IL12RB2: variants seen among roughly 807,000 people sequenced by gnomAD.
The protein encoded by IL12RB2 is interleukin-12 receptor subunit beta-2.
A neutral mutation model predicts 89.4 loss-of-function variants in IL12RB2; 82 were observed. The ratio of observed to expected loss-of-function variants is 0.92; its 90% CI spans 0.77 to 1.10. The LOEUF is 1.10. Among genes scored for constraint, IL12RB2 ranks in the 50% least tolerant of loss-of-function variants. IL12RB2 has a pLI of 0.00. For missense variants in IL12RB2, 963 were observed against 1,031.9 expected, an observed-to-expected ratio of 0.93 and a Z score of 0.92; for synonymous variants, 368 against 370.1, an observed-to-expected ratio of 0.99 and a Z score of 0.07.
At chr1:67,313,557 G>A (rs931228051) in intron 1 of IL12RB2, among the ~76,000 whole-genome samples, 2 of 152,178 alleles carry the variant, frequency 1.3e-5, no homozygotes, top group Non-Finnish European at 2.9e-5. Context: ...GGGCACGGTG[G>A]CTCATGCCTG....
intron 7 of IL12RB2, 144 bp from the exon 8 acceptor site, chr1:67,330,516 C>G (rs1657921690): frequency 3.2e-6 from 2 of 631,616 alleles, no homozygotes; most frequent in Non-Finnish European, 5.6e-6. Context: ...AAGACAGTCA[C>G]TGATATTTCT....
chr1:67,312,145 C>G (rs1655146028), intron 1 of IL12RB2, among the ~76,000 whole-genome samples: 1 of 152,170 alleles, frequency 6.6e-6, no homozygotes, highest in South Asian at 2.1e-4. Flanking sequence ...AAGTTACCTG[C>G]CATGGTGACA....
At chr1:67,360,663 G>T (rs1481515434) in intron 10 of IL12RB2, among the ~76,000 whole-genome samples, 1 of 151,726 alleles carries the variant, frequency 6.6e-6, no homozygotes, top group African/African-American at 2.4e-5. Flanking sequence ...AGGCGTAGTG[G>T]CACGTGCCTG....
At chr1:67,307,639 G>C (rs931169666), upstream of IL12RB2, 4 of 152,298 alleles carry the variant, frequency 2.6e-5, no homozygotes, top group African/African-American at 9.6e-5. Context: ...TCCCACCCGA[G>C]CCCGCTTCGA....
At chr1:67,323,550 G>C (rs1656872480) in intron 4 of IL12RB2, among the ~76,000 whole-genome samples, 1 of 152,176 alleles carries the variant, frequency 6.6e-6, no homozygotes. Context: ...ACGGCTTTAG[G>C]CTTCTCAACA....
At chr1:67,308,686 T>A (rs1404852742) in intron 1 of IL12RB2, among the ~76,000 whole-genome samples, 1 of 152,162 alleles carries the variant, frequency 6.6e-6, no homozygotes, top group Non-Finnish European at 1.5e-5. Flanking sequence ...TAGATCCAGG[T>A]CTTACAAATA....
rs749883157 is a variant in IL12RB2 at position 67,338,688 on chromosome 1, T to G, written c.1023T>G (p.Ile341Met). 4.6e-6 allele frequency: 7 copies of G among 1,517,726 alleles called. No homozygotes were observed. The highest frequency in any genetic ancestry group is 5.5e-6 in the Non-Finnish European group (6 of 1,092,072). 94.0% of individuals were successfully genotyped at this position (1,517,726 alleles called of 1,614,324 possible). A position where few individuals can be genotyped will look rare whatever the true frequency, so the allele number is the denominator to read the frequency against. ...ACATTGACTACAGTAGACAACAGAT[T>G]TCTCTTTTCTGGAAGGTGAGTTTTA... ...KRHIDYSRQQ[I>M]SLFWKNLSVS... is the part of the protein sequence containing the mutation. Residue 341 changes from isoleucine (I) to methionine (M), a missense_variant, in exon 9 of 17, where the codon ATT (isoleucine) becomes ATG (methionine). Ile to Met is a conservative substitution (Grantham distance 10, BLOSUM62 1). Coordinates refer to ENST00000674203, the MANE Select transcript of IL12RB2 (RefSeq NM_001374259.2).
chr1:67,346,853 G>A (rs1393185452), intron 9 of IL12RB2, among the ~76,000 whole-genome samples: 2 of 152,154 alleles, frequency 1.3e-5, no homozygotes, highest in Admixed American at 1.3e-4. Flanking sequence ...CAAGAGTCAA[G>A]ATGACCTAGC....
intron 4 of IL12RB2, among the ~76,000 whole-genome samples, chr1:67,326,148 A>G (rs1657255878): frequency 6.6e-6 from 1 of 152,260 alleles, no homozygotes; most frequent in African/African-American, 2.4e-5. Flanking sequence ...GACTGAGGCA[A>G]CTGGGTGTAA....
chr1:67,377,312 G>T (rs942315583), intron 13 of IL12RB2, among the ~76,000 whole-genome samples: 1 of 152,116 alleles, frequency 6.6e-6, no homozygotes, highest in African/African-American at 2.4e-5. Flanking sequence ...ACTTGCCCTG[G>T]AGTTTGTGAG....
At chr1:67,384,030 G>C (rs1306158204) in intron 14 of IL12RB2, among the ~76,000 whole-genome samples, 5 of 152,222 alleles carry the variant, frequency 3.3e-5, no homozygotes, top group African/African-American at 1.2e-4. Flanking sequence ...GCTGTCAGTG[G>C]ATCTACCATT....
At chr1:67,355,754 ATGAT>A (rs1165182040) in intron 10 of IL12RB2, among the ~76,000 whole-genome samples, 1 of 152,348 alleles carries the variant, frequency 6.6e-6, no homozygotes, top group East Asian at 1.9e-4. Context: ...GGGAAGTTGA[ATGAT>A]TGAGGCTAAA....
Position 67,395,613 on chromosome 1 carries a change from C to T in IL12RB2, c.2113C>T (p.Leu705=). 4 of 1,614,234 alleles carry T rather than the reference C, an allele frequency of 2.5e-6. No homozygotes were observed. Among genetic ancestry groups the T allele is most frequent in the Non-Finnish European group, 3.4e-6 (4 of 1,180,038 alleles). Residue 705 remains leucine, a synonymous_variant, in exon 17 of 17, where the codon CTG becomes TTG. Coordinates refer to ENST00000674203, the MANE Select transcript of IL12RB2 (RefSeq NM_001374259.2). ...GCCCACGCCTGAAGATCCTGAACCGCTGGTCATCAGTGAAGTCCTTCATCA... is the reference window on the plus strand; with the variant it reads ...GCCCACGCCTGAAGATCCTGAACCGTTGGTCATCAGTGAAGTCCTTCATCA... ...DWPTPEDPEP[L]VISEVLHQVT...
chr1:67,317,994 G>A (rs988966772), intron 2 of IL12RB2, among the ~76,000 whole-genome samples: 8 of 152,120 alleles, frequency 5.3e-5, no homozygotes, highest in African/African-American at 1.7e-4. Context: ...CAGGGAGGGC[G>A]TCGGAGGGAT....
At position 67,396,195 on chromosome 1, in the gene IL12RB2, C is replaced by T. The variant is rs533130888; in HGVS notation, c.*106C>T. On this transcript the variant is annotated 3_prime_UTR_variant, in exon 17 of 17. Transcript: ENST00000674203. ...AGCTGTCATCTCTGGGTGCCACCAT[C>T]GGTCTGGCTGCAGCTAGAGGACAGG... 8.7e-6 allele frequency: 7 copies of T among 808,158 alleles called. No homozygotes were observed. Among genetic ancestry groups the T allele is most frequent in the Admixed American group, 3.4e-5 (2 of 59,012 alleles). The allele number at this position is 808,158 out of a possible 1,614,324, so 50.1% of individuals were successfully genotyped here. A position where few individuals can be genotyped will look rare whatever the true frequency, so the allele number is the denominator to read the frequency against.
chr1:67,376,766 T>C (rs955375123), intron 13 of IL12RB2, among the ~76,000 whole-genome samples: 3 of 152,132 alleles, frequency 2.0e-5, no homozygotes, highest in African/African-American at 7.2e-5. Context: ...CACAAATCCC[T>C]TCCCTTCTGT....
At chr1:67,339,880 A>G (rs1426934463) in intron 9 of IL12RB2, among the ~76,000 whole-genome samples, 3 of 152,174 alleles carry the variant, frequency 2.0e-5, no homozygotes, top group African/African-American at 7.2e-5. Context: ...ATGCTGTGCG[A>G]TTCGAATTGA....
At chr1:67,354,212 C>T (rs527269763) in intron 10 of IL12RB2, among the ~76,000 whole-genome samples, 11 of 152,166 alleles carry the variant, frequency 7.2e-5, no homozygotes, top group East Asian at 1.9e-4. Flanking sequence ...TGGTGGCATG[C>T]GTACCAAGTA....
intron 9 of IL12RB2, among the ~76,000 whole-genome samples, chr1:67,348,786 G>A (rs1031331339): frequency 6.6e-6 from 1 of 152,114 alleles, no homozygotes; most frequent in African/African-American, 2.4e-5. Flanking sequence ...GACCCTGTCA[G>A]ACGAGTTAGG....
Sources: gnomAD v4.1 joint callset for allele counts (sites outside exome capture counted in the v4.1 genomes callset) on GRCh38, gnomAD v4.1.1 for gene constraint, MANE v1.5 for transcripts, NCBI Gene and HGNC (gene_info 2026-07-23, HGNC 2026-07-21) for gene names.